Variants in KCNIP2 observed in about 807,000 individuals in gnomAD.
The protein encoded by KCNIP2 is A-type potassium channel modulatory protein KCNIP2.
KCNIP2 carries 19 observed loss-of-function variants against 39.0 expected under a neutral mutation model. The ratio of observed to expected loss-of-function variants is 0.49; its 90% CI spans 0.34 to 0.71. KCNIP2 has a LOEUF of 0.71. Ranked by LOEUF, KCNIP2 falls within the 30% of genes least tolerant of loss-of-function variation. The probability of loss-of-function intolerance (pLI) is 0.01; values close to 1 mark genes in which losing one functional copy is unlikely to be tolerated. For synonymous variants in KCNIP2, 111 were observed against 131.2 expected (o/e 0.85, Z 1.05); for missense variants, 261 against 346.0 (o/e 0.75, Z 1.95).
rs899971650 is a variant in KCNIP2, at chr10:101,828,766, T to C, written c.349-70A>G. ...TTCCGTTCACCGCCCCCACCCTCCA[T>C]GGCCCAAGACTCCCAGGGAGGGGGA... On this transcript the variant is annotated intron_variant, in intron 4 of 9. Coordinates refer to ENST00000356640, the MANE Select transcript of KCNIP2 (RefSeq NM_173191.3). This position sits in a 1 kb window ranked among gnomAD's most constrained non-coding sequence, Gnocchi z 6.6. 1.9e-6 allele frequency: 3 copies of C among 1,612,588 alleles called. No homozygotes were observed. In the African/African-American group the frequency reaches 4.0e-5, roughly 22 times the overall value.
intron 1 of KCNIP2, among the ~76,000 whole-genome samples, chr10:101,842,460 G>A (rs950128847): frequency 6.6e-6 from 1 of 152,250 alleles, no homozygotes; most frequent in African/African-American, 2.4e-5. Flanking sequence ...CTCTGGAGGG[G>A]AAGGAAGAGG....
intron 1 of KCNIP2, among the ~76,000 whole-genome samples, chr10:101,837,130 A>T (rs929702832): frequency 6.6e-6 from 1 of 152,158 alleles, no homozygotes; most frequent in Admixed American, 6.5e-5. Context: ...AAATAAACAA[A>T]GATAATATTT....
chr10:101,829,758 A>AGGAG, intron 3 of KCNIP2, 86 bp downstream of exon 3: 1 of 31,066 alleles, frequency 3.2e-5, no homozygotes. Flanking sequence ...CCCGCCCCCA[A>AGGAG]CGTCCAGCCC....
At position 101,829,121 on chromosome 10, in the gene KCNIP2, T is replaced by C; in HGVS notation, c.302A>G (p.Lys101Arg). ...GACCTGCAACTCCTTGCGCGTGAAT[T>C]TGGTTTGCTCCTGCAGCTGCTCCAG... Reference protein sequence around the residue: ...EGLEQLQEQTKFTRKELQVLY... With the variant: ...EGLEQLQEQTRFTRKELQVLY... Residue 101 changes from lysine to arginine, a missense_variant, in exon 4 of 10, where the codon AAA (lysine) becomes AGA (arginine). Coordinates refer to ENST00000356640, the MANE Select transcript of KCNIP2 (RefSeq NM_173191.3). 1 of 1,614,180 alleles carries C rather than the reference T, an allele frequency of 6.2e-7. No individual in the cohort carries two copies. The highest frequency in any genetic ancestry group is 1.6e-4 in the Middle Eastern group (1 of 6,062).
In KCNIP2 at chr10:101,843,563, C is replaced by T; in HGVS notation, c.6G>A (p.Arg2=). The change falls in exon 1 of 10, where the codon CGG becomes CGA. Residue 2 remains arginine (R), a synonymous_variant. Coordinates refer to ENST00000356640, the MANE Select transcript of KCNIP2 (RefSeq NM_173191.3). This position sits in a 1 kb window ranked among gnomAD's most constrained non-coding sequence, Gnocchi z 6.7. M[R]GQGRKESLSD... ...ACAAACTCTCCTTGCGGCCCTGGCCCCGCATGGCCCCCGGCGCCCCGCTCC... is the reference window on the plus strand; with the variant it reads ...ACAAACTCTCCTTGCGGCCCTGGCCTCGCATGGCCCCCGGCGCCCCGCTCC... 6.5e-7 allele frequency: 1 copy of T among 1,535,280 alleles called. No individual in the cohort carries two copies. Among genetic ancestry groups the T allele is most frequent in the Non-Finnish European group, 8.8e-7 (1 of 1,141,912 alleles).
rs192768638 is a variant in KCNIP2 at position 101,827,521 on chromosome 10, G to A, written c.766-121C>T. On this transcript the variant is annotated intron_variant, in intron 9 of 9. Transcript: ENST00000356640. Reference sequence around the variant, plus strand: ...ATTCAAAAGCACAGAGGAAGGAGATGCCCAGAGAGACCTGAGGTAGGGAAG... The same window carrying A: ...ATTCAAAAGCACAGAGGAAGGAGATACCCAGAGAGACCTGAGGTAGGGAAG... The A allele has an allele frequency of 1.2e-5, 15 of 1,302,438 alleles. No individual in the cohort carries two copies. In the Admixed American group the frequency reaches 1.7e-4, roughly 15 times the overall value. 80.7% of individuals were successfully genotyped at this position (1,302,438 alleles called of 1,614,324 possible).
intron 3 of KCNIP2, 49 bp from the exon 4 acceptor site, chr10:101,829,248 C>G: frequency 6.4e-7 from 1 of 1,563,816 alleles, no homozygotes; most frequent in Non-Finnish European, 8.7e-7. Flanking sequence ...CCTCCGCGAC[C>G]CCTCTTCAAA....
At chr10:101,839,559 C>T (rs1286550762) in intron 1 of KCNIP2, among the ~76,000 whole-genome samples, 1 of 152,168 alleles carries the variant, frequency 6.6e-6, no homozygotes, top group Non-Finnish European at 1.5e-5. Flanking sequence ...CGCTGTCTTC[C>T]TCCTGCTCAG....
At chr10:101,833,735 A>C (rs2066063107) in intron 1 of KCNIP2, among the ~76,000 whole-genome samples, 1 of 151,966 alleles carries the variant, frequency 6.6e-6, no homozygotes, top group South Asian at 2.1e-4. Flanking sequence ...GTACTCTCTC[A>C]CATACAGGAA....
chr10:101,843,540 A>G lies in KCNIP2; in HGVS notation c.29T>C (p.Leu10Ser), dbSNP rs1328090417. The G allele has an allele frequency of 6.3e-7, 1 of 1,577,980 alleles. No individual in the cohort carries two copies. The highest frequency in any genetic ancestry group is 1.4e-5 in the African/African-American group (1 of 72,486). Residue 10 changes from leucine (L) to serine (S), a missense_variant, in exon 1 of 10, where the codon TTG becomes TCG. Coordinates refer to ENST00000356640, the MANE Select transcript of KCNIP2 (RefSeq NM_173191.3). This position sits in a 1 kb window ranked among gnomAD's most constrained non-coding sequence, Gnocchi z 6.7. ...GCCGTCCAGGTCTCGGGAATCGGAC[A>G]AACTCTCCTTGCGGCCCTGGCCCCG... MRGQGRKES[L>S]SDSRDLDGSY...
intron 1 of KCNIP2, among the ~76,000 whole-genome samples, chr10:101,840,557 C>T (rs2066300948): frequency 6.9e-6 from 1 of 144,596 alleles, no homozygotes; most frequent in Non-Finnish European, 1.5e-5. Context: ...CGCACCCCCC[C>T]CCCACTTCGG....
intron 1 of KCNIP2, among the ~76,000 whole-genome samples, chr10:101,841,196 C>T (rs1014176343): frequency 6.6e-6 from 1 of 152,146 alleles, no homozygotes; most frequent in Admixed American, 6.5e-5. Context: ...CCCAGGATGC[C>T]CTGAGGTGTA....
chr10:101,836,934 C>G (rs1219662343), intron 1 of KCNIP2, among the ~76,000 whole-genome samples: 1 of 151,666 alleles, frequency 6.6e-6, no homozygotes, highest in Non-Finnish European at 1.5e-5. Flanking sequence ...GCACTCCAGC[C>G]TGAGCAACAG....
At chr10:101,827,667 T>C in intron 9 of KCNIP2, 22 bp downstream of exon 9, 5 of 1,613,558 alleles carry the variant, frequency 3.1e-6, no homozygotes, top group Non-Finnish European at 4.2e-6. Context: ...GTCAGGGTAA[T>C]GTAGAGGGCA....
rs748543782 is a variant in KCNIP2 at position 101,828,763 on chromosome 10, C to A, written c.349-67G>T. 8 of 1,613,140 alleles carry A rather than the reference C, an allele frequency of 5.0e-6. No homozygotes were observed. The highest frequency in any genetic ancestry group is 6.8e-6 in the Non-Finnish European group (8 of 1,179,442). On this transcript the variant is annotated intron_variant, in intron 4 of 9. Transcript: ENST00000356640. The surrounding 1 kb of genome is among the most constrained non-coding windows in gnomAD (Gnocchi z 6.6). Reference sequence around the variant, plus strand: ...CCCTTCCGTTCACCGCCCCCACCCTCCATGGCCCAAGACTCCCAGGGAGGG... The same window carrying A: ...CCCTTCCGTTCACCGCCCCCACCCTACATGGCCCAAGACTCCCAGGGAGGG...
intron 2 of KCNIP2, among the ~76,000 whole-genome samples, chr10:101,830,820 G>T (rs564581106): frequency 1.5e-4 from 21 of 142,194 alleles, no homozygotes; most frequent in Non-Finnish European, 2.7e-4. Context: ...ACACATGCAG[G>T]GGTAGGGCAC....
chr10:101,829,273 AC>A, intron 3 of KCNIP2, 74 bp from the exon 4 acceptor site: 2 of 1,433,478 alleles, frequency 1.4e-6, no homozygotes, highest in Non-Finnish European at 1.8e-6. Context: ...TGCCCCATTC[AC>A]CCCCTCCCCG....
intron 1 of KCNIP2, among the ~76,000 whole-genome samples, chr10:101,842,633 T>A (rs1462766135): frequency 1.3e-5 from 2 of 152,032 alleles, no homozygotes; most frequent in African/African-American, 4.8e-5. Flanking sequence ...AGCCATAAGG[T>A]CTCTTGGAAA....
chr10:101,827,589 G>A, intron 9 of KCNIP2, 100 bp downstream of exon 9: 3 of 1,385,838 alleles, frequency 2.2e-6, no homozygotes, highest in South Asian at 2.3e-5. Flanking sequence ...ATATGGGGGT[G>A]AGGTGGGAAG....
Sources: gnomAD v4.1 joint callset for allele counts (sites outside exome capture counted in the v4.1 genomes callset) on GRCh38, gnomAD v4.1.1 for gene constraint, Gnocchi (gnomAD v3.1) non-coding constraint, MANE v1.5 for transcripts, NCBI Gene and HGNC (gene_info 2026-07-23, HGNC 2026-07-21) for gene names.